COA4: variants seen among roughly 807,000 people sequenced by gnomAD.
COA4 encodes cytochrome c oxidase assembly factor 4 homolog, mitochondrial.
Under a neutral mutation model 7.3 loss-of-function variants are expected in COA4, and 8 were observed. The ratio of observed to expected loss-of-function variants is 1.10; its 90% confidence interval spans 0.64 to 1.98. The LOEUF (loss-of-function observed/expected upper bound fraction) is 1.98, where lower values mean the gene tolerates loss of function less well. Among genes scored for constraint, COA4 ranks in the 30% most tolerant of loss-of-function variants. The pLI, the probability that COA4 is intolerant of heterozygous loss-of-function variation, is 0.00. For missense variants in COA4, 96 were observed against 111.2 expected, an observed-to-expected ratio of 0.86 and a Z score of 0.62; for synonymous variants, 42 against 44.3, an observed-to-expected ratio of 0.95 and a Z score of 0.21.
At chr11:73,875,635 A>G (rs1948733797) in intron 1 of COA4, 1 of 151,814 alleles carries the variant, frequency 6.6e-6, no homozygotes. Flanking sequence ...ATGGAAGAGC[A>G]GGTGGTTGAG....
intron 1 of COA4, chr11:73,873,809 T>A (rs1177320900): frequency 5.5e-6 from 1 of 182,668 alleles, no homozygotes; most frequent in African/African-American, 2.4e-5. Context: ...GTGAGCCAAC[T>A]GTGCCCGGCT....
rs772216753 is a variant in COA4, at chr11:73,873,277, A to G, written c.102T>C (p.Cys34=). ...CCTGCACTGCAAAGTGGGAGGCAGCACAGCCAGAGCGGGAGATCAGCTGGT... is the reference window on the plus strand; with the variant it reads ...CCTGCACTGCAAAGTGGGAGGCAGCGCAGCCAGAGCGGGAGATCAGCTGGT... The part of the protein sequence containing the change: ...PLDQLISRSG[C]AASHFAVQEC... The change falls in exon 2 of 2, where the codon TGT becomes TGC. Residue 34 remains cysteine (C), a synonymous_variant. Transcript: ENST00000355693. 3.1e-6 allele frequency: 5 copies of G among 1,614,260 alleles called. No homozygotes were observed. The highest frequency in any genetic ancestry group is 4.2e-6 in the Non-Finnish European group (5 of 1,180,048).
intron 1 of COA4, 165 bp downstream of exon 1, chr11:73,876,592 T>A (rs1948749453): frequency 1.3e-5 from 2 of 154,814 alleles, no homozygotes; most frequent in African/African-American, 4.8e-5. Flanking sequence ...AAGGAAGTCA[T>A]GGAAAGGATC....
In COA4 at chr11:73,873,223, C is replaced by T; in HGVS notation, c.156G>A (p.Arg52=). 2 of 1,614,220 alleles carry T rather than the reference C, an allele frequency of 1.2e-6. No individual in the cohort carries two copies. The highest frequency in any genetic ancestry group is 2.2e-5 in the South Asian group (2 of 91,088). ...QECMAQHQDW[R]QCQPQVQAFK... is the part of the protein sequence containing the mutation. ...ACGCCTGCACCTGTGGCTGGCATTG[C>T]CGCCAGTCCTGGTGCTGGGCCATGC... The change falls in exon 2 of 2, where the codon CGG becomes CGA. Residue 52 remains arginine (R), a synonymous_variant. Coordinates refer to ENST00000355693, the MANE Select transcript of COA4 (RefSeq NM_016565.3).
rs201025430 is a variant in COA4 at position 73,873,119 on chromosome 11, T to C, written c.260A>G (p.His87Arg). 3.1e-6 allele frequency: 5 copies of C among 1,601,120 alleles called. No homozygotes were observed. In the African/African-American group the frequency reaches 4.0e-5, roughly 13 times the overall value. ...QRRQEQAGAH[H>R] ...GGGGATAGGTGGTTTGGGGTCTCAGTGGTGGGCACCGGCTTGTTCTTGCCT... is the reference window on the plus strand; with the variant it reads ...GGGGATAGGTGGTTTGGGGTCTCAGCGGTGGGCACCGGCTTGTTCTTGCCT... Residue 87 changes from histidine to arginine, a missense_variant, in exon 2 of 2, where the codon CAC (histidine) becomes CGC (arginine). Transcript: ENST00000355693.
chr11:73,873,522 G>T, intron 1 of COA4, 128 bp from the exon 2 acceptor site: 5 of 680,180 alleles, frequency 7.4e-6, no homozygotes, highest in Non-Finnish European at 1.2e-5. Context: ...CTCTAAGCTT[G>T]AAGACAGATG....
chr11:73,876,126 C>CAAAAAAAAAAAA (rs60469198), intron 1 of COA4: 1 of 102,808 alleles, frequency 9.7e-6, no homozygotes, highest in Non-Finnish European at 2.1e-5. Context: ...GACCCTGTCT[C>CAAAAAAAAAAAA]AAAAAAAAAA....
intron 1 of COA4, chr11:73,873,605 G>A (rs539270587): frequency 3.5e-6 from 2 of 569,646 alleles, no homozygotes; most frequent in South Asian, 2.4e-5. Flanking sequence ...CCATCTTTAG[G>A]GATCAAGCAA....
At position 73,873,047 on chromosome 11, in the gene COA4, T is replaced by G; in HGVS notation, c.*68A>C. The G allele has an allele frequency of 6.6e-7, 1 of 1,511,946 alleles. No individual in the cohort carries two copies. Among genetic ancestry groups the G allele is most frequent in the East Asian group, 2.3e-5 (1 of 43,934 alleles). 93.7% of individuals were successfully genotyped at this position (1,511,946 alleles called of 1,614,324 possible). ...CTCCCACACCAGCATTTAGGATTTC[T>G]TCCTCTATAATCTTGCTGGGTGCTG... On this transcript the variant is annotated 3_prime_UTR_variant, in exon 2 of 2. Transcript: ENST00000355693.
chr11:73,873,419 T>C lies in COA4; in HGVS notation c.-16-25A>G, dbSNP rs199994106. ...TCTATAGAACATTAACAGGTTAGAG[T>C]AGGGATATAATATGTAAGGTTCCTA... On this transcript the variant is annotated intron_variant, in intron 1 of 1. Transcript: ENST00000355693. 11 of 1,600,004 alleles carry C rather than the reference T, an allele frequency of 6.9e-6. No individual in the cohort carries two copies. In the African/African-American group the frequency reaches 1.1e-4, roughly 16 times the overall value.
chr11:73,873,188 C>T lies in COA4; in HGVS notation c.191G>A (p.Cys64Tyr). ...CCGCCTCGCCTGCTGTTCACTCATGCAATCCTTGAACGCCTGCACCTGTGG... is the reference window on the plus strand; with the variant it reads ...CCGCCTCGCCTGCTGTTCACTCATGTAATCCTTGAACGCCTGCACCTGTGG... ...CQPQVQAFKD[C>Y]MSEQQARRQE... Residue 64 changes from cysteine to tyrosine, a missense_variant, in exon 2 of 2, where the codon TGC (cysteine) becomes TAC (tyrosine). Cys to Tyr is a radical substitution (Grantham distance 194). Coordinates refer to ENST00000355693, the MANE Select transcript of COA4 (RefSeq NM_016565.3). The T allele has an allele frequency of 6.2e-7, 1 of 1,614,238 alleles. No individual in the cohort carries two copies. Among genetic ancestry groups the T allele is most frequent in the Non-Finnish European group, 8.5e-7 (1 of 1,180,048 alleles).
In COA4 at chr11:73,873,572, G is replaced by A; in HGVS notation, c.-16-178C>T. 1.3e-5 allele frequency: 7 copies of A among 545,332 alleles called. No homozygotes were observed. In the South Asian group the frequency reaches 1.4e-4, roughly 11 times the overall value. The allele number at this position is 545,332 out of a possible 1,614,324, so 33.8% of individuals were successfully genotyped here. A position where few individuals can be genotyped will look rare whatever the true frequency, so the allele number is the denominator to read the frequency against. ...TTTTTTTTTGAGGGTGTCTTGCTTT[G>A]TTGCCCAGGCTCACTGTAGCCTCCA... On this transcript the variant is annotated intron_variant, in intron 1 of 1. Transcript: ENST00000355693.
At position 73,876,831 on chromosome 11, in the gene COA4, C is replaced by G; in HGVS notation, c.-91G>C. ...TGGGTTTCGCAGGCGGTTGGGGATC[C>G]TCTGTACATCCTTTCAGGAACCAGC... On this transcript the variant is annotated 5_prime_UTR_variant, in exon 1 of 2. Transcript: ENST00000355693. 1.9e-6 allele frequency: 1 copy of G among 523,262 alleles called. No individual in the cohort carries two copies. Among genetic ancestry groups the G allele is most frequent in the Non-Finnish European group, 3.1e-6 (1 of 326,428 alleles). The allele number at this position is 523,262 out of a possible 1,614,324, so 32.4% of individuals were successfully genotyped here.
At chr11:73,874,974 G>A (rs139526210) in intron 1 of COA4, among the ~76,000 whole-genome samples, 2,714 of 152,284 alleles carry the variant, frequency 0.018, 69 homozygotes, top group African/African-American at 0.062. Context: ...GTGACAGAGT[G>A]AGACTCCATC....
At chr11:73,875,788 T>G (rs1304534118) in intron 1 of COA4, 2 of 152,198 alleles carry the variant, frequency 1.3e-5, no homozygotes, top group Non-Finnish European at 2.9e-5. Flanking sequence ...AGTTTAAGAC[T>G]TTTTATTCTG....
chr11:73,875,371 C>G (rs896159535), intron 1 of COA4, among the ~76,000 whole-genome samples: 2 of 152,184 alleles, frequency 1.3e-5, no homozygotes, highest in Admixed American at 1.3e-4. Context: ...AGGCACTATG[C>G]TAGTGCTGAG....
In COA4 at chr11:73,873,238, C is replaced by T; in HGVS notation, c.141G>A (p.Gln47=). 2 of 1,614,240 alleles carry T rather than the reference C, an allele frequency of 1.2e-6. No homozygotes were observed. Among genetic ancestry groups the T allele is most frequent in the East Asian group, 2.2e-5 (1 of 44,884 alleles). ...SHFAVQECMA[Q]HQDWRQCQPQ... ...GCTGGCATTGCCGCCAGTCCTGGTG[C>T]TGGGCCATGCACTCCTGCACTGCAA... Residue 47 remains glutamine, a synonymous_variant, in exon 2 of 2, where the codon CAG becomes CAA. Coordinates refer to ENST00000355693, the MANE Select transcript of COA4 (RefSeq NM_016565.3).
At chr11:73,874,731 T>C (rs1047997018) in intron 1 of COA4, among the ~76,000 whole-genome samples, 3 of 152,182 alleles carry the variant, frequency 2.0e-5, no homozygotes, top group Non-Finnish European at 2.9e-5. Context: ...CTCACACATG[T>C]AATCCCAGCA....
In COA4 at chr11:73,873,312, C is replaced by A; in HGVS notation, c.67G>T (p.Asp23Tyr). The A allele has an allele frequency of 6.2e-7, 1 of 1,614,188 alleles. No individual in the cohort carries two copies. Among genetic ancestry groups the A allele is most frequent in the Non-Finnish European group, 8.5e-7 (1 of 1,180,030 alleles). The change falls in exon 2 of 2, where the codon GAC becomes TAC. Residue 23 changes from aspartate to tyrosine, a missense_variant. Coordinates refer to ENST00000355693, the MANE Select transcript of COA4 (RefSeq NM_016565.3). ...QRVKKDDEEE[D>Y]PLDQLISRSG... ...CGGGAGATCAGCTGGTCCAGCGGGT[C>A]CTCCTCCTCATCGTCTTTCTTCACC...
Sources: allele counts gnomAD v4.1 joint callset (sites outside exome capture counted in the v4.1 genomes callset), GRCh38; gene constraint gnomAD v4.1.1; transcripts MANE v1.5; gene names NCBI Gene and HGNC (gene_info 2026-07-23, HGNC 2026-07-21).